ALDH1A2: variants seen among roughly 807,000 people sequenced by gnomAD.
The protein encoded by ALDH1A2 is aldehyde dehydrogenase 1 family member A2, also known as retinal dehydrogenase 2.
In ALDH1A2, 27 loss-of-function variants were observed where a neutral mutation model predicts 60.3. The ratio of observed to expected loss-of-function variants is 0.45; its 90% CI spans 0.33 to 0.62. The LOEUF (loss-of-function observed/expected upper bound fraction) is 0.62, where lower values mean the gene tolerates loss of function less well. Ranked by LOEUF, ALDH1A2 falls within the 20% of genes least tolerant of loss-of-function variation. The pLI is 0.02. For synonymous variants in ALDH1A2, 289 were observed against 232.4 expected, an observed-to-expected ratio of 1.24 and a Z score of -2.21; for missense variants, 581 against 643.8, an observed-to-expected ratio of 0.90 and a Z score of 1.06.
At chr15:57,959,841 T>C (rs778771510) in intron 12 of ALDH1A2, among the ~76,000 whole-genome samples, 39 of 152,014 alleles carry the variant, frequency 2.6e-4, no homozygotes, top group Non-Finnish European at 5.0e-4. Flanking sequence ...AGTGAAACTA[T>C]CTGAAGTATG....
rs900049145 is a variant in ALDH1A2 at position 57,954,917 on chromosome 15, C to T, written c.*280G>A. Reference sequence around the variant, plus strand: ...AGCTCCCTTATTTCATCCTGTGCTCCAGAAGGAGATACTGGATGTGTCTGC... The same window carrying T: ...AGCTCCCTTATTTCATCCTGTGCTCTAGAAGGAGATACTGGATGTGTCTGC... On this transcript the variant is annotated 3_prime_UTR_variant, in exon 13 of 13. Transcript: ENST00000249750. The T allele has an allele frequency of 1.9e-6, 1 of 523,778 alleles. No individual in the cohort carries two copies. The highest frequency in any genetic ancestry group is 1.9e-5 in the African/African-American group (1 of 52,462). The allele number at this position is 523,778 out of a possible 1,614,324, so 32.4% of individuals were successfully genotyped here.
At chr15:57,982,383 G>GTT (rs1413666405) in intron 7 of ALDH1A2, among the ~76,000 whole-genome samples, 3 of 152,178 alleles carry the variant, frequency 2.0e-5, no homozygotes, top group Non-Finnish European at 4.4e-5. Flanking sequence ...TGAAGACTAT[G>GTT]TTCAAAACTT....
intron 1 of ALDH1A2, among the ~76,000 whole-genome samples, chr15:58,033,542 A>T (rs1395854653): frequency 6.6e-6 from 1 of 151,868 alleles, no homozygotes; most frequent in South Asian, 2.1e-4. Flanking sequence ...CAATACAATG[A>T]CCTTACAACA....
chr15:57,995,263 T>C (rs1454989089), intron 4 of ALDH1A2, 124 bp from the exon 5 acceptor site: 12 of 713,106 alleles, frequency 1.7e-5, no homozygotes, highest in African/African-American at 2.0e-5. Flanking sequence ...TGAAAAAACA[T>C]CCTACTCAAC....
chr15:58,027,952 G>A (rs1788156830), intron 1 of ALDH1A2, among the ~76,000 whole-genome samples: 2 of 152,146 alleles, frequency 1.3e-5, no homozygotes, highest in South Asian at 4.1e-4. Flanking sequence ...CGGGGACAAT[G>A]GAACCAAGTT....
intron 1 of ALDH1A2, 104 bp downstream of exon 1, chr15:58,065,430 G>A (rs1897151481): frequency 2.0e-6 from 2 of 1,018,764 alleles, no homozygotes; most frequent in Admixed American, 1.7e-5. Context: ...TGGCCCCGAC[G>A]ACCCCGGCCC....
At chr15:58,027,513 C>T (rs1896112731) in intron 1 of ALDH1A2, among the ~76,000 whole-genome samples, 1 of 152,122 alleles carries the variant, frequency 6.6e-6, no homozygotes, top group Admixed American at 6.5e-5. Flanking sequence ...CACAGCTCCT[C>T]ACCAGCAATG....
At chr15:58,059,151 TA>T in intron 1 of ALDH1A2, among the ~76,000 whole-genome samples, 1 of 152,332 alleles carries the variant, frequency 6.6e-6, no homozygotes, top group South Asian at 2.1e-4. Context: ...CCAATGTGCA[TA>T]ATCTCATATA....
At chr15:58,050,809 C>T (rs1361449775) in intron 1 of ALDH1A2, among the ~76,000 whole-genome samples, 1 of 152,180 alleles carries the variant, frequency 6.6e-6, no homozygotes, top group African/African-American at 2.4e-5. Context: ...TAGCAACTAG[C>T]ATCTTCAGTT....
At position 57,993,082 on chromosome 15, in the gene ALDH1A2, A is replaced by G; in HGVS notation, c.556-9T>C. ...AGCAGGGGGAAGTTCCACTGAAAGG[A>G]AAAAACTCAAAGTTGATAGATGGAA... On this transcript the variant is annotated splice_polypyrimidine_tract_variant and intron_variant, in intron 5 of 12. Transcript: ENST00000249750. 1 of 1,611,600 alleles carries G rather than the reference A, an allele frequency of 6.2e-7. No homozygotes were observed. The highest frequency in any genetic ancestry group is 8.5e-7 in the Non-Finnish European group (1 of 1,179,856).
intron 4 of ALDH1A2, among the ~76,000 whole-genome samples, chr15:57,997,766 GA>G (rs1170400477): frequency 6.6e-6 from 1 of 151,960 alleles, no homozygotes; most frequent in Non-Finnish European, 1.5e-5. Context: ...TGTGTCTCAA[GA>G]GAAACTGAGT....
chr15:57,976,360 G>C (rs1343352322), intron 7 of ALDH1A2, among the ~76,000 whole-genome samples: 1 of 152,106 alleles, frequency 6.6e-6, no homozygotes, highest in Non-Finnish European at 1.5e-5. Context: ...ATGTGCCATG[G>C]TGGTTTGCTG....
rs1162164014 is a variant in ALDH1A2, at chr15:58,013,452, T to C, written c.363+406A>G. On this transcript the variant is annotated intron_variant, in intron 3 of 12. Transcript: ENST00000249750. ...CTGATCCTCCATTTCTCCTTCTCCA[T>C]CTGATCCCCAAATCCAAACATGTCT... Among the ~76,000 whole-genome samples, 4 of 152,324 alleles carry C rather than the reference T, an allele frequency of 2.6e-5. 1 individual carries two copies. In the South Asian group the frequency reaches 8.3e-4, roughly 32 times the overall value.
At chr15:57,980,564 G>T in intron 7 of ALDH1A2, 1 of 277,028 alleles carries the variant, frequency 3.6e-6, no homozygotes, top group African/African-American at 2.2e-5. Context: ...CTCCTTCTGG[G>T]GGTCATATTT....
intron 1 of ALDH1A2, among the ~76,000 whole-genome samples, chr15:58,055,156 T>C (rs547897920): frequency 5.3e-5 from 8 of 152,154 alleles, no homozygotes; most frequent in Admixed American, 2.0e-4. Flanking sequence ...AGGAGGAGTA[T>C]TGAGTCCTGG....
intron 4 of ALDH1A2, among the ~76,000 whole-genome samples, chr15:57,998,866 G>C (rs1449358209): frequency 6.6e-6 from 1 of 151,972 alleles, no homozygotes; most frequent in Non-Finnish European, 1.5e-5. Flanking sequence ...CAGACCAATG[G>C]AACAGAATAG....
At chr15:58,065,473 G>T in intron 1 of ALDH1A2, 61 bp downstream of exon 1, 2 of 1,407,040 alleles carry the variant, frequency 1.4e-6, no homozygotes. Flanking sequence ...GAAGAGATCG[G>T]GGAAACCGAA....
chr15:58,049,127 T>C (rs1354358276), intron 1 of ALDH1A2, among the ~76,000 whole-genome samples: 1 of 152,132 alleles, frequency 6.6e-6, no homozygotes, highest in Non-Finnish European at 1.5e-5. Context: ...TTTATCCATG[T>C]TGTTGAATGT....
chr15:57,968,375 C>T (rs941197458), intron 7 of ALDH1A2, among the ~76,000 whole-genome samples: 3 of 152,264 alleles, frequency 2.0e-5, no homozygotes, highest in Non-Finnish European at 4.4e-5. Context: ...ACCAGGCTCC[C>T]CAGCTGGTTC....
Sources: gnomAD v4.1 joint callset for allele counts (sites outside exome capture counted in the v4.1 genomes callset) on GRCh38, gnomAD v4.1.1 for gene constraint, MANE v1.5 for transcripts, NCBI Gene and HGNC (gene_info 2026-07-23, HGNC 2026-07-21) for gene names.